Variants in LINGO2 observed in about 807,000 individuals in gnomAD.
The protein encoded by LINGO2 is leucine rich repeat and Ig domain containing 2.
In LINGO2, 14 loss-of-function variants were observed where a neutral mutation model predicts 30.6. The ratio of observed to expected loss-of-function variants is 0.46; its 90% CI spans 0.30 to 0.72. The LOEUF (loss-of-function observed/expected upper bound fraction) is 0.72. Ranked by LOEUF, LINGO2 falls within the 30% of genes least tolerant of loss-of-function variation. The probability of loss-of-function intolerance (pLI) is 0.07; values close to 1 mark genes in which losing one functional copy is unlikely to be tolerated. For synonymous variants in LINGO2, 317 were observed against 288.5 expected (o/e 1.10, Z -1.00); for missense variants, 729 against 751.7 (o/e 0.97, Z 0.35).
chr9:29,135,390 T>C, the LINGO2 span, among the ~76,000 whole-genome samples: 3 of 151,920 alleles, frequency 2.0e-5, no homozygotes, highest in East Asian at 5.8e-4. Flanking sequence ...AAACCCCGTC[T>C]CTACTAAAAA....
the LINGO2 span, among the ~76,000 whole-genome samples, chr9:29,199,648 A>G: frequency 2.0e-5 from 3 of 152,154 alleles, no homozygotes; most frequent in African/African-American, 7.2e-5. Context: ...CTTTCATATT[A>G]AATAGATTTA....
the LINGO2 span, among the ~76,000 whole-genome samples, chr9:29,121,639 A>G: frequency 2.0e-5 from 3 of 152,084 alleles, no homozygotes; most frequent in Non-Finnish European, 4.4e-5. Flanking sequence ...AAAATTTACC[A>G]GAAATTAAGA....
chr9:29,173,863 A>C, the LINGO2 span, among the ~76,000 whole-genome samples: 2 of 152,142 alleles, frequency 1.3e-5, no homozygotes, highest in African/African-American at 2.4e-5. Flanking sequence ...AAAATCTCAG[A>C]AAATAAGAGT....
intron 4 of LINGO2, among the ~76,000 whole-genome samples, chr9:28,024,480 G>A (rs1823281343): frequency 1.3e-5 from 2 of 152,132 alleles, no homozygotes; most frequent in Non-Finnish European, 2.9e-5. Flanking sequence ...ACTGCTCCAA[G>A]GATTCCTTCA....
chr9:28,841,662 T>C, the LINGO2 span, among the ~76,000 whole-genome samples: 127 of 147,920 alleles, frequency 8.6e-4, 3 homozygotes, highest in African/African-American at 3.2e-3. Flanking sequence ...ATCTAGGAGG[T>C]GGGTGGGTTG....
chr9:28,604,492 A>T (rs966457287), intron 1 of LINGO2, among the ~76,000 whole-genome samples: 1 of 152,068 alleles, frequency 6.6e-6, no homozygotes, highest in Non-Finnish European at 1.5e-5. Context: ...TAATTATCAT[A>T]ATCATGTGTT....
At chr9:28,423,010 A>G (rs1349543735) in intron 2 of LINGO2, among the ~76,000 whole-genome samples, 2 of 152,042 alleles carry the variant, frequency 1.3e-5, no homozygotes, top group Admixed American at 6.6e-5. Context: ...GATGGTTGCC[A>G]GGGGCTGGGA....
the LINGO2 span, among the ~76,000 whole-genome samples, chr9:28,783,642 C>T: frequency 1.3e-5 from 2 of 152,066 alleles, no homozygotes; most frequent in South Asian, 4.2e-4. Context: ...GAGGAAATAA[C>T]ATTTGAATTG....
intron 4 of LINGO2, among the ~76,000 whole-genome samples, chr9:28,117,752 C>T (rs1195893167): frequency 1.0e-4 from 15 of 147,372 alleles, no homozygotes; most frequent in African/African-American, 3.8e-4. Flanking sequence ...TGAGGCAATG[C>T]CTTGCCCTGC....
At chr9:28,693,114 C>T in the LINGO2 span, among the ~76,000 whole-genome samples, 1 of 152,008 alleles carries the variant, frequency 6.6e-6, no homozygotes, top group African/African-American at 2.4e-5. Flanking sequence ...ACTAACCTCC[C>T]GGGCACTTTT....
chr9:28,435,912 TA>T (rs1823902593), intron 2 of LINGO2, among the ~76,000 whole-genome samples: 1 of 152,218 alleles, frequency 6.6e-6, no homozygotes, highest in Admixed American at 6.5e-5. Context: ...CGTGAGATTT[TA>T]GAACAGTAAA....
intron 4 of LINGO2, among the ~76,000 whole-genome samples, chr9:28,041,041 A>G (rs1449494163): frequency 1.2e-4 from 18 of 152,194 alleles, no homozygotes; most frequent in Non-Finnish European, 2.5e-4. Flanking sequence ...TCTAGGTAGA[A>G]TACCACAGCA....
intron 4 of LINGO2, among the ~76,000 whole-genome samples, chr9:28,081,752 T>C (rs1825780034): frequency 6.6e-6 from 1 of 152,218 alleles, no homozygotes; most frequent in Admixed American, 6.5e-5. Context: ...AGAGGTGCTG[T>C]AAAGATTAAA....
chr9:29,025,922 T>G, the LINGO2 span, among the ~76,000 whole-genome samples: 6 of 152,192 alleles, frequency 3.9e-5, no homozygotes, highest in African/African-American at 1.4e-4. Context: ...TTATTTCAAT[T>G]AACAAAATGT....
the LINGO2 span, among the ~76,000 whole-genome samples, chr9:28,788,370 C>G: frequency 6.6e-6 from 1 of 152,090 alleles, no homozygotes; most frequent in Non-Finnish European, 1.5e-5. Context: ...GAAGATTGTT[C>G]TGATATTGAT....
At chr9:29,156,378 A>AT in the LINGO2 span, among the ~76,000 whole-genome samples, 1 of 152,108 alleles carries the variant, frequency 6.6e-6, no homozygotes, top group Non-Finnish European at 1.5e-5. Flanking sequence ...CAATATTGGG[A>AT]TTTTAGTTAC....
intron 3 of LINGO2, among the ~76,000 whole-genome samples, chr9:28,356,716 A>C (rs189611569): frequency 4.1e-4 from 62 of 152,248 alleles, no homozygotes; most frequent in African/African-American, 1.4e-3. Context: ...TCTCTGCCTG[A>C]ATTATCCCCA....
Position 28,620,825 on chromosome 9 carries a change from G to C in LINGO2, c.-365+49375C>G, listed in dbSNP as rs118178410. 2.9e-3 allele frequency among the ~76,000 whole-genome samples: 442 copies of C among 152,078 alleles called. 1 individual carries two copies. Among genetic ancestry groups the C allele is most frequent in the Non-Finnish European group, 5.5e-3 (373 of 67,938 alleles). ...AGAACAACACACACTAGGACCTTTC[G>C]GAGGGTGGAGGGTGGGAAGAGGGAG... On this transcript the variant is annotated intron_variant, in intron 1 of 5. Transcript: ENST00000379992.
At chr9:28,413,065 T>G (rs552015828) in intron 2 of LINGO2, among the ~76,000 whole-genome samples, 12 of 152,288 alleles carry the variant, frequency 7.9e-5, no homozygotes, top group Middle Eastern at 3.4e-3. Context: ...GCTTACTTTA[T>G]TGTAAGAATA....
Sources: allele counts gnomAD v4.1 joint callset (sites outside exome capture counted in the v4.1 genomes callset), GRCh38; gene constraint gnomAD v4.1.1; transcripts MANE v1.5; gene names NCBI Gene and HGNC (gene_info 2026-07-23, HGNC 2026-07-21).